The following EEFSEC variants were observed in gnomAD, a reference collection of about 807,000 sequenced individuals.
EEFSEC encodes the protein eukaryotic elongation factor, selenocysteine-tRNA specific.
Under a neutral mutation model 42.1 loss-of-function variants are expected in EEFSEC, and 43 were observed. The observed-to-expected ratio is 1.02, with a 90% CI of 0.80 to 1.32. The LOEUF is 1.32. EEFSEC is among the 40% of genes most tolerant of loss of function. EEFSEC has a pLI of 0.00. For synonymous variants in EEFSEC, 354 were observed against 339.1 expected, an observed-to-expected ratio of 1.04 and a Z score of -0.48; for missense variants, 745 against 803.6, an observed-to-expected ratio of 0.93 and a Z score of 0.88.
At chr3:128,327,303 C>A (rs1468087208) in intron 4 of EEFSEC, among the ~76,000 whole-genome samples, 1 of 128,550 alleles carries the variant, frequency 7.8e-6, no homozygotes, top group Non-Finnish European at 1.6e-5. Context: ...CCCCCCCCCC[C>A]AAGGTTGTCC....
intron 1 of EEFSEC, among the ~76,000 whole-genome samples, chr3:128,236,704 TG>T (rs1466489180): frequency 6.6e-6 from 1 of 152,254 alleles, no homozygotes; most frequent in Non-Finnish European, 1.5e-5. Context: ...GTGGAGGCTT[TG>T]CACTTGTTCC....
intron 1 of EEFSEC, among the ~76,000 whole-genome samples, chr3:128,201,995 A>G (rs1162035361): frequency 6.6e-6 from 1 of 152,212 alleles, no homozygotes; most frequent in African/African-American, 2.4e-5. Flanking sequence ...GAAAAATCAC[A>G]TAACCATTTA....
At chr3:128,336,982 T>G (rs564300819) in intron 4 of EEFSEC, 25 of 152,290 alleles carry the variant, frequency 1.6e-4, no homozygotes, top group African/African-American at 5.1e-4. Flanking sequence ...CTGCGCCCCG[T>G]GGACATTAGC....
chr3:128,236,511 T>C (rs1022471466), intron 1 of EEFSEC, among the ~76,000 whole-genome samples: 5 of 152,222 alleles, frequency 3.3e-5, no homozygotes. Flanking sequence ...CTCTTTGTAT[T>C]ATCATCAGTA....
At chr3:128,205,743 A>T (rs2065690408) in intron 1 of EEFSEC, among the ~76,000 whole-genome samples, 1 of 152,176 alleles carries the variant, frequency 6.6e-6, no homozygotes, top group Admixed American at 6.5e-5. Flanking sequence ...TTGAATCCTC[A>T]TCCCACAGAT....
intron 6 of EEFSEC, among the ~76,000 whole-genome samples, chr3:128,383,810 G>A (rs2067805159): frequency 6.6e-6 from 1 of 152,232 alleles, no homozygotes; most frequent in Non-Finnish European, 1.5e-5. Flanking sequence ...GAAATGAGGG[G>A]AGCCAGTCTC....
intron 2 of EEFSEC, among the ~76,000 whole-genome samples, chr3:128,249,838 G>A (rs562539880): frequency 3.3e-5 from 5 of 152,004 alleles, no homozygotes; most frequent in Non-Finnish European, 2.9e-5. Flanking sequence ...TTCTTCTGTT[G>A]GTAGACACTT....
At chr3:128,238,734 C>T (rs1417052318) in intron 1 of EEFSEC, among the ~76,000 whole-genome samples, 2 of 152,210 alleles carry the variant, frequency 1.3e-5, no homozygotes, top group East Asian at 1.9e-4. Context: ...AGGCAATCTG[C>T]CCACTTCAGC....
rs1576654897 is a variant in EEFSEC at position 128,342,670 on chromosome 3, T to C, written c.1443+781T>C. ...CCTTGGCCTTGTGCTTTCAGGGTGG[T>C]GCCTGCTCTGTCCCAGGAGACTCTG... On this transcript the variant is annotated intron_variant, in intron 5 of 6. Transcript: ENST00000254730. Among the ~76,000 whole-genome samples, 4 of 152,338 alleles carry C rather than the reference T, an allele frequency of 2.6e-5. 1 individual carries two copies. The South Asian group carries it at 8.3e-4, about 32-fold the overall frequency.
In EEFSEC at chr3:128,153,642, C is replaced by T; in HGVS notation, c.135C>T (p.Arg45=). ...AFDKQPQSRE[R]GITLDLGFSC... ...ACAAGCAGCCGCAGAGCCGCGAGCGCGGCATCACGCTCGATCTGGGCTTCT... is the reference window on the plus strand; with the variant it reads ...ACAAGCAGCCGCAGAGCCGCGAGCGTGGCATCACGCTCGATCTGGGCTTCT... Residue 45 remains arginine, a synonymous_variant, in exon 1 of 7, where the codon CGC becomes CGT. Coordinates refer to ENST00000254730, the MANE Select transcript of EEFSEC (RefSeq NM_021937.5). 1 of 1,598,354 alleles carries T rather than the reference C, an allele frequency of 6.3e-7. No homozygotes were observed.
intron 1 of EEFSEC, among the ~76,000 whole-genome samples, chr3:128,222,578 C>T (rs2107849865): frequency 6.6e-6 from 1 of 152,240 alleles, no homozygotes; most frequent in Middle Eastern, 3.4e-3. Context: ...TTTAATGGCT[C>T]TGTATTATTT....
At chr3:128,265,041 C>T (rs549008828) in intron 4 of EEFSEC, among the ~76,000 whole-genome samples, 1 of 152,222 alleles carries the variant, frequency 6.6e-6, no homozygotes, top group Non-Finnish European at 1.5e-5. Flanking sequence ...GGAGGTGTTC[C>T]CAAGTAGGTC....
intron 1 of EEFSEC, among the ~76,000 whole-genome samples, chr3:128,197,564 C>T (rs1459658436): frequency 3.9e-5 from 6 of 152,174 alleles, no homozygotes; most frequent in African/African-American, 9.7e-5. Flanking sequence ...TGAGCCACTG[C>T]GCCCGGCCGG....
intron 6 of EEFSEC, among the ~76,000 whole-genome samples, chr3:128,363,622 G>A (rs2067555119): frequency 1.3e-5 from 2 of 152,202 alleles, no homozygotes; most frequent in Non-Finnish European, 2.9e-5. Flanking sequence ...GGGCTCCTGG[G>A]CCATCCTGCA....
intron 5 of EEFSEC, among the ~76,000 whole-genome samples, chr3:128,357,572 A>G (rs546812927): frequency 6.6e-6 from 1 of 152,332 alleles, no homozygotes; most frequent in South Asian, 2.1e-4. Flanking sequence ...AGGCACAGCT[A>G]GAGTGAGCAA....
chr3:128,162,947 T>C (rs1439730192), intron 1 of EEFSEC, among the ~76,000 whole-genome samples: 43 of 152,210 alleles, frequency 2.8e-4, no homozygotes, highest in Non-Finnish European at 4.4e-5. Context: ...TCTATCAGCA[T>C]GTCTCTTGGG....
At chr3:128,303,705 T>A (rs763341512) in intron 4 of EEFSEC, among the ~76,000 whole-genome samples, 10 of 152,190 alleles carry the variant, frequency 6.6e-5, no homozygotes, top group African/African-American at 2.4e-4. Flanking sequence ...TTTTACATAC[T>A]TACAGAGACT....
intron 1 of EEFSEC, among the ~76,000 whole-genome samples, chr3:128,223,819 A>C (rs928909948): frequency 6.6e-6 from 1 of 152,226 alleles, no homozygotes; most frequent in African/African-American, 2.4e-5. Context: ...GGAAAACCAG[A>C]AAACAAGCGA....
chr3:128,188,398 CT>C (rs948262975), intron 1 of EEFSEC, among the ~76,000 whole-genome samples: 1 of 152,084 alleles, frequency 6.6e-6, no homozygotes, highest in Non-Finnish European at 1.5e-5. Flanking sequence ...CCCAGGGCTT[CT>C]TTTTTGTGGG....
Sources: gnomAD v4.1 joint callset for allele counts (sites outside exome capture counted in the v4.1 genomes callset) on GRCh38, gnomAD v4.1.1 for gene constraint, MANE v1.5 for transcripts, NCBI Gene and HGNC (gene_info 2026-07-23, HGNC 2026-07-21) for gene names.